Variants in TMEM192 observed in about 807,000 individuals in gnomAD.
TMEM192 encodes the protein transmembrane protein 192.
A neutral mutation model predicts 26.7 loss-of-function variants in TMEM192; 20 were observed. The ratio of observed to expected loss-of-function variants is 0.75; its 90% CI spans 0.53 to 1.09. The LOEUF (loss-of-function observed/expected upper bound fraction) is 1.09, where lower values mean the gene tolerates loss of function less well. Among genes scored for constraint, TMEM192 ranks in the 50% least tolerant of loss-of-function variants. The pLI, the probability that TMEM192 is intolerant of heterozygous loss-of-function variation, is 0.00. For synonymous variants in TMEM192, 124 were observed against 121.0 expected, an observed-to-expected ratio of 1.02 and a Z score of -0.16; for missense variants, 304 against 322.6, an observed-to-expected ratio of 0.94 and a Z score of 0.44.
At chr4:165,090,213 GAAAAAAAAAA>G (rs35732863) in intron 3 of TMEM192, among the ~76,000 whole-genome samples, 5 of 52,080 alleles carry the variant, frequency 9.6e-5, no homozygotes, top group Admixed American at 9.0e-4. Flanking sequence ...CTCCGTCTTG[GAAAAAAAAAA>G]AAAAAAAAAA....
Position 165,085,672 on chromosome 4 carries a change from A to C in TMEM192, c.591T>G (p.Phe197Leu), listed in dbSNP as rs777084713. 1.2e-6 allele frequency: 2 copies of C among 1,605,178 alleles called. No homozygotes were observed. Among genetic ancestry groups the C allele is most frequent in the African/African-American group, 2.7e-5 (2 of 74,484 alleles). ...LLIYTVKIRR[F>L]NKAKPEPDIL... ...TATCAGGCTCTGGTTTAGCTTTATT[A>C]AATCTCCGGATTTTCACTAAAATAA... Residue 197 changes from phenylalanine to leucine, a missense_variant, in exon 5 of 6, where the codon TTT becomes TTG. Phe to Leu is a conservative substitution (Grantham distance 22, BLOSUM62 0). Coordinates refer to ENST00000306480, the MANE Select transcript of TMEM192 (RefSeq NM_001100389.2).
At chr4:165,089,471 G>A (rs1020036008) in intron 3 of TMEM192, among the ~76,000 whole-genome samples, 3 of 152,016 alleles carry the variant, frequency 2.0e-5, no homozygotes, top group African/African-American at 4.8e-5. Context: ...ACAGGCGCCC[G>A]CCACCACGCC....
chr4:165,086,058 G>A (rs147221996), intron 4 of TMEM192, among the ~76,000 whole-genome samples: 1 of 152,258 alleles, frequency 6.6e-6, no homozygotes, highest in East Asian at 1.9e-4. Flanking sequence ...TGGTCCAGGG[G>A]AAAATACAGA....
Position 165,071,302 on chromosome 4 carries a change from T to TTG in TMEM192, c.*8355_*8356insCA, listed in dbSNP as rs1553987264. ...CTGAAGTGGGAGGATTTTTTTTTTT[T>TTG]GGGGGGGGGACGGATTCTCACTCTT... On this transcript the variant is annotated 3_prime_UTR_variant, in exon 6 of 6. Coordinates refer to ENST00000306480, the MANE Select transcript of TMEM192 (RefSeq NM_001100389.2). 6 of 146,672 alleles carry TTG rather than the reference T, an allele frequency of 4.1e-5. No homozygotes were observed. Among genetic ancestry groups the TTG allele is most frequent in the African/African-American group, 5.1e-5 (2 of 39,098 alleles). 9.1% of individuals were successfully genotyped at this position (146,672 alleles called of 1,614,324 possible).
At chr4:165,104,993 G>A (rs1735131752) in intron 1 of TMEM192, among the ~76,000 whole-genome samples, 2 of 152,140 alleles carry the variant, frequency 1.3e-5, no homozygotes, top group Non-Finnish European at 2.9e-5. Context: ...GCTAATGTCT[G>A]TGCATTCTTT....
intron 3 of TMEM192, 58 bp from the exon 4 acceptor site, chr4:165,088,660 T>C (rs892060677): frequency 2.2e-5 from 33 of 1,503,216 alleles, no homozygotes; most frequent in Non-Finnish European, 3.6e-6. Flanking sequence ...ATGGTCTTTG[T>C]CCAATAGATA....
rs530965997 is a variant in TMEM192, at chr4:165,071,673, G to C, written c.*7985C>G. The C allele has an allele frequency of 2.0e-5, 3 of 152,368 alleles. No homozygotes were observed. The South Asian group carries it at 6.2e-4, about 32-fold the overall frequency. 9.4% of individuals were successfully genotyped at this position (152,368 alleles called of 1,614,324 possible). On this transcript the variant is annotated 3_prime_UTR_variant, in exon 6 of 6. Coordinates refer to ENST00000306480, the MANE Select transcript of TMEM192 (RefSeq NM_001100389.2). ...GGCAGAGGGAACAGCAACCGCAAAG[G>C]TCCTCAGGTAAGAATGTGCTTAGCA...
chr4:165,096,860 G>A (rs1734919097), intron 3 of TMEM192, among the ~76,000 whole-genome samples: 1 of 152,106 alleles, frequency 6.6e-6, no homozygotes, highest in Admixed American at 6.6e-5. Context: ...ATCTCCTTGT[G>A]AGCTTCCAAA....
intron 1 of TMEM192, among the ~76,000 whole-genome samples, chr4:165,109,737 T>A (rs1007704213): frequency 6.6e-6 from 1 of 152,224 alleles, no homozygotes; most frequent in Non-Finnish European, 1.5e-5. Context: ...TATCTCCTAA[T>A]ATGTCACTTT....
rs1292429751 is a variant in TMEM192 at position 165,076,221 on chromosome 4, C to A, written c.*3437G>T. On this transcript the variant is annotated 3_prime_UTR_variant, in exon 6 of 6. Coordinates refer to ENST00000306480, the MANE Select transcript of TMEM192 (RefSeq NM_001100389.2). ...ATATATACCTATATCTATCTATATA[C>A]CTATACACATACATACTTATAATAA... The A allele has an allele frequency of 6.6e-6, 1 of 152,034 alleles. No individual in the cohort carries two copies. Among genetic ancestry groups the A allele is most frequent in the Non-Finnish European group, 1.5e-5 (1 of 68,020 alleles). 9.4% of individuals were successfully genotyped at this position (152,034 alleles called of 1,614,324 possible).
rs960780384 is a variant in TMEM192 at position 165,079,521 on chromosome 4, C to T, written c.*137G>A. On this transcript the variant is annotated 3_prime_UTR_variant, in exon 6 of 6. Coordinates refer to ENST00000306480, the MANE Select transcript of TMEM192 (RefSeq NM_001100389.2). ...TTTTAAACAGCCACAGAAGTCAGAA[C>T]CAAATTCAGGTTTCCAACAAACACT... 3.9e-6 allele frequency: 4 copies of T among 1,016,592 alleles called. No homozygotes were observed. Among genetic ancestry groups the T allele is most frequent in the Admixed American group, 3.4e-5 (1 of 29,500 alleles). The allele number at this position is 1,016,592 out of a possible 1,614,324, so 63.0% of individuals were successfully genotyped here. A position where few individuals can be genotyped will look rare whatever the true frequency, so the allele number is the denominator to read the frequency against.
chr4:165,092,172 AGTGCAAAG>A (rs1292102723), intron 3 of TMEM192, among the ~76,000 whole-genome samples: 1 of 120,438 alleles, frequency 8.3e-6, no homozygotes, highest in Non-Finnish European at 1.6e-5. Context: ...CCCAGGCTGG[AGTGCAAAG>A]GTGCAATCTC....
At chr4:165,102,686 GAT>G (rs1578912011) in intron 2 of TMEM192, among the ~76,000 whole-genome samples, 2 of 151,810 alleles carry the variant, frequency 1.3e-5, no homozygotes, top group African/African-American at 4.8e-5. Flanking sequence ...GTAGTCTCTT[GAT>G]ATGACAGACA....
rs771333597 is a variant in TMEM192 at position 165,085,601 on chromosome 4, G to A, written c.662C>T (p.Ser221Leu). 11 of 1,609,626 alleles carry A rather than the reference G, an allele frequency of 6.8e-6. No homozygotes were observed. Among genetic ancestry groups the A allele is most frequent in the Admixed American group, 6.7e-5 (4 of 59,440 alleles). ...TAAATCTTACCTGAATCCAGTCTCC[G>A]AGGTAATATTGCTGGGGTAAGCATA... is the stretch of plus-strand genomic sequence containing the variant. ...KIYAYPSNIT[S>L]ETGFRTISSL... The change falls in exon 5 of 6, where the codon TCG (serine) becomes TTG (leucine). Residue 221 changes from serine (S) to leucine (L), a missense_variant. Ser to Leu is a moderately radical substitution (Grantham distance 145). Coordinates refer to ENST00000306480, the MANE Select transcript of TMEM192 (RefSeq NM_001100389.2).
intron 3 of TMEM192, 147 bp downstream of exon 3, chr4:165,100,481 G>A (rs145359249): frequency 1.1e-6 from 1 of 946,604 alleles, no homozygotes; most frequent in African/African-American, 1.7e-5. Flanking sequence ...AGACATTAAG[G>A]TGATCCAAAT....
chr4:165,089,447 G>A (rs62352203), intron 3 of TMEM192, among the ~76,000 whole-genome samples: 62,018 of 151,836 alleles, frequency 0.41, 15,314 homozygotes, highest in East Asian at 0.64. Context: ...TCAGCCTCCC[G>A]AGTAGCTGGG....
At chr4:165,081,386 C>G (rs1056835399) in intron 5 of TMEM192, among the ~76,000 whole-genome samples, 1 of 150,280 alleles carries the variant, frequency 6.7e-6, no homozygotes, top group Non-Finnish European at 1.5e-5. Context: ...GACCGAGTCT[C>G]TATTTTTTTT....
intron 4 of TMEM192, among the ~76,000 whole-genome samples, chr4:165,087,162 A>AT (rs894453779): frequency 8.5e-5 from 13 of 152,094 alleles, no homozygotes; most frequent in Non-Finnish European, 1.6e-4. Context: ...AAAACGTTAG[A>AT]TTTTTTTTCC....
At chr4:165,099,890 A>G (rs541271441) in intron 3 of TMEM192, among the ~76,000 whole-genome samples, 1 of 152,324 alleles carries the variant, frequency 6.6e-6, no homozygotes, top group Admixed American at 6.5e-5. Flanking sequence ...TCCAGGCTAC[A>G]GTGAGCCATG....
Sources: allele counts gnomAD v4.1 joint callset (sites outside exome capture counted in the v4.1 genomes callset), GRCh38; gene constraint gnomAD v4.1.1; transcripts MANE v1.5; gene names NCBI Gene and HGNC (gene_info 2026-07-23, HGNC 2026-07-21).